Variants in CDH18 observed in about 807,000 individuals in gnomAD.
CDH18 encodes cadherin-18.
CDH18 carries 31 observed loss-of-function variants against 67.9 expected under a neutral mutation model. The ratio of observed to expected loss-of-function variants is 0.46; its 90% CI spans 0.34 to 0.62. The LOEUF (loss-of-function observed/expected upper bound fraction) is 0.62. Ranked by LOEUF, CDH18 falls within the 20% of genes least tolerant of loss-of-function variation. CDH18 has a pLI of 0.01. For synonymous variants in CDH18, 362 were observed against 347.2 expected (o/e 1.04, Z -0.48); for missense variants, 890 against 975.5 (o/e 0.91, Z 1.17).
chr5:20,225,527 T>C (rs894095404), intron 2 of CDH18, among the ~76,000 whole-genome samples: 3 of 152,100 alleles, frequency 2.0e-5, no homozygotes, highest in African/African-American at 7.2e-5. Context: ...TCTTGTGCTG[T>C]AGACATTCAT....
At chr5:20,185,416 A>G (rs1738018207) in intron 2 of CDH18, among the ~76,000 whole-genome samples, 1 of 152,042 alleles carries the variant, frequency 6.6e-6, no homozygotes, top group African/African-American at 2.4e-5. Context: ...CTCTTGTTCA[A>G]TGCACTCCGT....
intron 5 of CDH18, among the ~76,000 whole-genome samples, chr5:19,622,813 A>T (rs566701735): frequency 1.3e-5 from 2 of 152,204 alleles, no homozygotes; most frequent in Non-Finnish European, 2.9e-5. Context: ...CCTCCACACA[A>T]GTTGATATGT....
At chr5:20,380,979 C>A (rs894733679) in intron 1 of CDH18, among the ~76,000 whole-genome samples, 6 of 152,008 alleles carry the variant, frequency 3.9e-5, no homozygotes, top group Non-Finnish European at 8.8e-5. Context: ...GAGACAGGAC[C>A]TTTAAAGAGG....
chr5:20,082,473 G>T (rs1446254408), intron 2 of CDH18, among the ~76,000 whole-genome samples: 2 of 152,120 alleles, frequency 1.3e-5, no homozygotes, highest in African/African-American at 4.8e-5. Context: ...AAGCCTAGTG[G>T]TCTATGTAAC....
chr5:19,717,888 G>C (rs543672014), intron 5 of CDH18, among the ~76,000 whole-genome samples: 235 of 152,088 alleles, frequency 1.5e-3, no homozygotes, highest in Non-Finnish European at 2.5e-3. Context: ...TTAAATGGTA[G>C]TTAATGTTAA....
intron 2 of CDH18, among the ~76,000 whole-genome samples, chr5:19,950,330 A>G (rs1795670357): frequency 6.6e-6 from 1 of 152,058 alleles, no homozygotes; most frequent in Non-Finnish European, 1.5e-5. Flanking sequence ...ATGAGGACAC[A>G]AAGGCATAAG....
At chr5:19,766,644 C>T (rs1773125253) in intron 3 of CDH18, among the ~76,000 whole-genome samples, 1 of 152,148 alleles carries the variant, frequency 6.6e-6, no homozygotes, top group Non-Finnish European at 1.5e-5. Context: ...TGATCTGATG[C>T]CTGTCTAGGT....
chr5:20,554,063 C>T (rs1317757801), intron 1 of CDH18, among the ~76,000 whole-genome samples: 2 of 152,092 alleles, frequency 1.3e-5, no homozygotes, highest in Admixed American at 6.5e-5. Flanking sequence ...CTCCTAGTAG[C>T]CCCCATATTT....
intron 1 of CDH18, among the ~76,000 whole-genome samples, chr5:20,469,553 C>A (rs1751904411): frequency 6.6e-6 from 1 of 152,104 alleles, no homozygotes; most frequent in Admixed American, 6.5e-5. Flanking sequence ...GTAACGGATA[C>A]CCCGATCTTC....
intron 2 of CDH18, among the ~76,000 whole-genome samples, chr5:20,143,164 C>T (rs1750377118): frequency 6.6e-6 from 1 of 151,922 alleles, no homozygotes; most frequent in Non-Finnish European, 1.5e-5. Context: ...TAAAGAATGT[C>T]TAGTCATGAA....
At chr5:19,527,958 G>T (rs1286036741) in intron 9 of CDH18, among the ~76,000 whole-genome samples, 3 of 151,730 alleles carry the variant, frequency 2.0e-5, no homozygotes, top group Admixed American at 6.6e-5. Flanking sequence ...CTGTGCCTTT[G>T]CTGTTAGGAA....
intron 6 of CDH18, among the ~76,000 whole-genome samples, chr5:19,593,707 C>CCTCCTTTTTCTTCTTCTT: frequency 3.0e-5 from 1 of 33,384 alleles, no homozygotes; most frequent in African/African-American, 1.2e-4. Flanking sequence ...TCCTCCTCCT[C>CCTCCTTTTTCTTCTTCTT]CTTCTTCTTC....
At chr5:20,420,911 G>T (rs979940618) in intron 1 of CDH18, among the ~76,000 whole-genome samples, 3 of 150,968 alleles carry the variant, frequency 2.0e-5, no homozygotes, top group Non-Finnish European at 2.9e-5. Context: ...GCTTTTTCAC[G>T]AAAACTGAAA....
intron 2 of CDH18, among the ~76,000 whole-genome samples, chr5:20,242,596 GAAAAAAAAAAAAA>G (rs376279568): frequency 6.0e-4 from 47 of 77,762 alleles, no homozygotes; most frequent in African/African-American, 3.8e-3. Flanking sequence ...TTCATTGAGG[GAAAAAAAAAAAAA>G]AAATATATAT....
intron 6 of CDH18, among the ~76,000 whole-genome samples, chr5:19,609,064 T>C (rs1748539419): frequency 6.6e-6 from 1 of 151,948 alleles, no homozygotes; most frequent in Non-Finnish European, 1.5e-5. Flanking sequence ...AAGAATAAGT[T>C]ATGCAACAAC....
chr5:20,407,622 A>G (rs1005043863), intron 1 of CDH18, among the ~76,000 whole-genome samples: 2 of 152,096 alleles, frequency 1.3e-5, no homozygotes, highest in Non-Finnish European at 1.5e-5. Flanking sequence ...AAAACATTCA[A>G]TAGAAGGATT....
At chr5:20,194,848 A>AGATT (rs1738842693) in intron 2 of CDH18, among the ~76,000 whole-genome samples, 2 of 152,112 alleles carry the variant, frequency 1.3e-5, no homozygotes, top group Admixed American at 6.5e-5. Context: ...AGGCAATTTC[A>AGATT]GATTTGCATT....
intron 1 of CDH18, among the ~76,000 whole-genome samples, chr5:20,462,756 C>A (rs1181277128): frequency 6.6e-6 from 1 of 151,872 alleles, no homozygotes; most frequent in Admixed American, 6.6e-5. Flanking sequence ...TCATAATAAC[C>A]CATATTGCAC....
chr5:20,299,035 G>A (rs895621880), intron 1 of CDH18, among the ~76,000 whole-genome samples: 18 of 152,128 alleles, frequency 1.2e-4, no homozygotes, highest in Non-Finnish European at 1.8e-4. Flanking sequence ...AAAACGCAAT[G>A]TAAAGAATTA....
Sources: allele counts gnomAD v4.1 joint callset (sites outside exome capture counted in the v4.1 genomes callset), GRCh38; gene constraint gnomAD v4.1.1; transcripts MANE v1.5; gene names NCBI Gene and HGNC (gene_info 2026-07-23, HGNC 2026-07-21).